Variants in MLLT3 observed in about 807,000 individuals in gnomAD.
MLLT3 encodes the protein MLLT3 super elongation complex subunit.
Under a neutral mutation model 53.2 loss-of-function variants are expected in MLLT3, and 4 were observed. The ratio of observed to expected loss-of-function variants is 0.08; its 90% CI spans 0.04 to 0.17. MLLT3 has a LOEUF of 0.17. Among genes scored for constraint, MLLT3 ranks in the 10% least tolerant of loss-of-function variants. The pLI, the probability that MLLT3 is intolerant of heterozygous loss-of-function variation, is 1.00. For synonymous variants in MLLT3, 283 were observed against 230.6 expected, an observed-to-expected ratio of 1.23 and a Z score of -2.06; for missense variants, 569 against 684.0, an observed-to-expected ratio of 0.83 and a Z score of 1.87.
intron 4 of MLLT3, among the ~76,000 whole-genome samples, chr9:20,441,153 C>T (rs1295412600): frequency 2.0e-5 from 3 of 152,100 alleles, no homozygotes; most frequent in East Asian, 1.9e-4. Context: ...GGAAAGTTTG[C>T]TCCTGTTTTT....
At chr9:20,412,631 A>G (rs932213028) in intron 5 of MLLT3, among the ~76,000 whole-genome samples, 1 of 152,174 alleles carries the variant, frequency 6.6e-6, no homozygotes, top group African/African-American at 2.4e-5. Context: ...AGCCCAAGGG[A>G]CAGAAAGAAA....
chr9:20,540,189 C>T (rs542472218), intron 2 of MLLT3, among the ~76,000 whole-genome samples: 16 of 152,362 alleles, frequency 1.1e-4, no homozygotes, highest in East Asian at 7.7e-4. Context: ...GCTGCTTTCA[C>T]GGGCTGGTGT....
chr9:20,456,618 A>T (rs1290468023), intron 3 of MLLT3, 86 bp downstream of exon 3: 11 of 926,340 alleles, frequency 1.2e-5, no homozygotes, highest in Non-Finnish European at 1.4e-5. Context: ...TAGTGACAGA[A>T]GTGCTTATGA....
chr9:20,471,853 G>A lies in MLLT3; in HGVS notation c.194-15067C>T, dbSNP rs1250902503. 2.7e-5 allele frequency among the ~76,000 whole-genome samples: 4 copies of A among 149,006 alleles called. No homozygotes were observed. The East Asian group carries it at 7.8e-4, about 29-fold the overall frequency. Reference sequence around the variant, plus strand: ...CTACCATTTTTTTTTTTTTTGGATAGAAAACTCTAGTAGGATGTGGATAAT... The same window carrying A: ...CTACCATTTTTTTTTTTTTTGGATAAAAAACTCTAGTAGGATGTGGATAAT... On this transcript the variant is annotated intron_variant, in intron 2 of 10. Transcript: ENST00000380338.
intron 5 of MLLT3, chr9:20,382,328 T>G (rs1485360781): frequency 6.6e-6 from 1 of 151,872 alleles, no homozygotes; most frequent in South Asian, 2.1e-4. Flanking sequence ...AAACTTTACA[T>G]ATAGTTTATC....
intron 2 of MLLT3, among the ~76,000 whole-genome samples, chr9:20,485,272 A>G (rs1200300117): frequency 6.6e-6 from 1 of 152,216 alleles, no homozygotes; most frequent in Non-Finnish European, 1.5e-5. Flanking sequence ...TACAGGCATA[A>G]GCCACCATGC....
At chr9:20,393,417 C>G (rs146360566) in intron 5 of MLLT3, among the ~76,000 whole-genome samples, 129 of 152,304 alleles carry the variant, frequency 8.5e-4, no homozygotes, top group African/African-American at 2.9e-3. Flanking sequence ...CACTTTATCA[C>G]TGGATGCTGA....
intron 2 of MLLT3, among the ~76,000 whole-genome samples, chr9:20,560,462 A>G (rs1819174788): frequency 6.6e-6 from 1 of 152,228 alleles, no homozygotes; most frequent in African/African-American, 2.4e-5. Context: ...ATTATGAGCC[A>G]TGAGTTGGGG....
chr9:20,408,758 A>T (rs1014281108), intron 5 of MLLT3, among the ~76,000 whole-genome samples: 32 of 152,140 alleles, frequency 2.1e-4, no homozygotes, highest in African/African-American at 7.7e-4. Context: ...TCACATAAAA[A>T]CCTAAGGCCA....
intron 2 of MLLT3, among the ~76,000 whole-genome samples, chr9:20,591,396 G>A (rs924852739): frequency 1.3e-4 from 20 of 152,060 alleles, no homozygotes; most frequent in Admixed American, 5.2e-4. Flanking sequence ...AATATGACTC[G>A]ACTGTAGGGG....
At chr9:20,593,690 G>A (rs1414910774) in intron 2 of MLLT3, among the ~76,000 whole-genome samples, 2 of 152,062 alleles carry the variant, frequency 1.3e-5, no homozygotes, top group Non-Finnish European at 2.9e-5. Context: ...AGTGATCTCT[G>A]GCTGTGACTC....
intron 2 of MLLT3, among the ~76,000 whole-genome samples, chr9:20,605,430 A>C (rs1820537776): frequency 6.6e-6 from 1 of 152,052 alleles, no homozygotes; most frequent in Non-Finnish European, 1.5e-5. Context: ...GAATAACGGA[A>C]ACAAAGTAAT....
At chr9:20,529,517 C>T (rs1288554437) in intron 2 of MLLT3, among the ~76,000 whole-genome samples, 1 of 152,046 alleles carries the variant, frequency 6.6e-6, no homozygotes, top group Non-Finnish European at 1.5e-5. Flanking sequence ...TAAAAAGGAA[C>T]CGCCAGTTAG....
At chr9:20,350,338 G>A (rs1026954020) in intron 10 of MLLT3, among the ~76,000 whole-genome samples, 13 of 152,202 alleles carry the variant, frequency 8.5e-5, no homozygotes, top group Admixed American at 2.0e-4. Flanking sequence ...GCTCACGCCT[G>A]TAATCCCAGC....
chr9:20,606,402 T>A (rs999461187), intron 2 of MLLT3, among the ~76,000 whole-genome samples: 4 of 151,742 alleles, frequency 2.6e-5, no homozygotes, highest in East Asian at 1.9e-4. Flanking sequence ...AAAGCAGAGG[T>A]TCCTGCCGTA....
chr9:20,455,650 A>G (rs1484284321), intron 3 of MLLT3, among the ~76,000 whole-genome samples: 1 of 152,198 alleles, frequency 6.6e-6, no homozygotes. Context: ...AAAAAAGCCA[A>G]TTACCTGACT....
chr9:20,511,964 G>C (rs1388924759), intron 2 of MLLT3, among the ~76,000 whole-genome samples: 1 of 152,086 alleles, frequency 6.6e-6, no homozygotes, highest in Non-Finnish European at 1.5e-5. Context: ...TTCTAAAATA[G>C]AAGAAGCCCA....
chr9:20,528,475 A>G (rs769194640), intron 2 of MLLT3, among the ~76,000 whole-genome samples: 4 of 152,252 alleles, frequency 2.6e-5, no homozygotes, highest in Non-Finnish European at 5.9e-5. Flanking sequence ...ATTTCCCCAC[A>G]GTTCTGGAGG....
At position 20,413,045 on chromosome 9, in the gene MLLT3, A is replaced by G. The variant is rs569799285; in HGVS notation, c.1125+676T>C. Among the ~76,000 whole-genome samples the G allele has an allele frequency of 3.3e-5, 5 of 152,294 alleles. No individual in the cohort carries two copies. In the South Asian group the frequency reaches 1.0e-3, roughly 32 times the overall value. ...AGGATAATCCTACCCATTAGCAAAA[A>G]CTTGTAGTGAATGAAGATCACATAC... is the stretch of plus-strand genomic sequence containing the variant. On this transcript the variant is annotated intron_variant, in intron 5 of 10. Coordinates refer to ENST00000380338, the MANE Select transcript of MLLT3 (RefSeq NM_004529.4).
Sources: gnomAD v4.1 joint callset for allele counts (sites outside exome capture counted in the v4.1 genomes callset) on GRCh38, gnomAD v4.1.1 for gene constraint, MANE v1.5 for transcripts, NCBI Gene and HGNC (gene_info 2026-07-23, HGNC 2026-07-21) for gene names.